Variants in ATRX observed in about 807,000 individuals in gnomAD.
The protein encoded by ATRX is chromatin remodeler ATRX.
Under a neutral mutation model 172.6 loss-of-function variants are expected in ATRX, and 12 were observed. That is an observed-to-expected ratio of 0.07 (90% CI 0.04 to 0.11). The LOEUF is 0.11. ATRX is among the 10% of genes least tolerant of loss of function. The pLI, the probability that ATRX is intolerant of heterozygous loss-of-function variation, is 1.00. For synonymous variants in ATRX, 674 were observed against 594.7 expected (o/e 1.13, Z -1.94); for missense variants, 1,368 against 1,767.4 (o/e 0.77, Z 4.05).
In ATRX at chrX:77,682,301, G is replaced by C. The variant is rs1557138497; in HGVS notation, c.2955C>G (p.Ser985Arg). ...DETSEDDKKQ[S>R]KKGTEEKKKP... ...TCTTTTTTTCTTCAGTTCCCTTTTT[G>C]CTCTGCTTTTTATCATCTTCAGAAG... is the stretch of plus-strand genomic sequence containing the variant. The change falls in exon 9 of 35, where the codon AGC (serine) becomes AGG (arginine). Residue 985 changes from serine to arginine, a missense_variant. By Grantham distance (110) the Ser-to-Arg change is moderately radical (BLOSUM62 -1). Transcript: ENST00000373344. The C allele has an allele frequency of 8.3e-7, 1 of 1,197,923 alleles. No homozygotes were observed. The highest frequency in any genetic ancestry group is 1.1e-6 in the Non-Finnish European group (1 of 891,444).
intron 22 of ATRX, among the ~76,000 whole-genome samples, chrX:77,611,895 T>C (rs1018856004): frequency 4.5e-5 from 5 of 111,655 alleles, no homozygotes; most frequent in Non-Finnish European, 9.4e-5. Context: ...TATGTACAAT[T>C]ACCATGTGTC....
intron 1 of ATRX, among the ~76,000 whole-genome samples, chrX:77,764,990 A>C (rs2075855982): frequency 9.0e-6 from 1 of 111,283 alleles, no homozygotes; most frequent in Non-Finnish European, 1.9e-5. Flanking sequence ...AGCCTCGCCG[A>C]CATGGTGAAA....
At chrX:77,734,199 T>G (rs965406213) in intron 1 of ATRX, among the ~76,000 whole-genome samples, 6 of 97,908 alleles carry the variant, frequency 6.1e-5, no homozygotes, top group Admixed American at 3.6e-4. Flanking sequence ...AGAGCAAGAT[T>G]CTGTCTCAAA....
intron 10 of ATRX, among the ~76,000 whole-genome samples, chrX:77,665,700 G>A (rs1250150623): frequency 3.6e-5 from 4 of 112,062 alleles, no homozygotes; most frequent in Non-Finnish European, 5.6e-5. Context: ...TGCAAGACAA[G>A]ATGTTTTGAT....
intron 1 of ATRX, among the ~76,000 whole-genome samples, chrX:77,782,001 C>T (rs1300508416): frequency 8.9e-6 from 1 of 112,069 alleles, no homozygotes; most frequent in South Asian, 3.6e-4. Context: ...TCTAGAAATA[C>T]AATACATAAC....
intron 15 of ATRX, among the ~76,000 whole-genome samples, chrX:77,640,601 T>C (rs965873890): frequency 9.1e-6 from 1 of 110,368 alleles, no homozygotes. Flanking sequence ...ATGAAAAAAA[T>C]TTTTTTCAGT....
intron 30 of ATRX, among the ~76,000 whole-genome samples, chrX:77,532,937 A>C (rs1318416900): frequency 8.9e-6 from 1 of 112,264 alleles, no homozygotes; most frequent in Non-Finnish European, 1.9e-5. Flanking sequence ...ACATTTAAAC[A>C]AATCTATGAG....
intron 22 of ATRX, among the ~76,000 whole-genome samples, chrX:77,615,059 C>T (rs1395867373): frequency 1.8e-5 from 2 of 111,391 alleles, no homozygotes; most frequent in African/African-American, 6.5e-5. Context: ...AATCCAGTGG[C>T]ACAATCATGT....
intron 30 of ATRX, among the ~76,000 whole-genome samples, chrX:77,539,996 T>G (rs555361385): frequency 5.4e-4 from 60 of 111,066 alleles, no homozygotes; most frequent in South Asian, 3.0e-3. Flanking sequence ...TGGGCTAAAT[T>G]CCCCCACTTA....
At chrX:77,609,017 A>T (rs1557092489) in intron 22 of ATRX, among the ~76,000 whole-genome samples, 1 of 112,229 alleles carries the variant, frequency 8.9e-6, no homozygotes, top group African/African-American at 3.2e-5. Context: ...TCATCTGAGA[A>T]ATGCTAATCA....
rs782593742 is a variant in ATRX, at chrX:77,518,749, A to G, written c.7200+2039T>C. The stretch of plus-strand genomic sequence containing the variant: ...GGAGGAATCACATTACCTGACTTCA[A>G]ATGATACTACAGAGCTACAGTAACC... On this transcript the variant is annotated intron_variant, in intron 34 of 34. Coordinates refer to ENST00000373344, the MANE Select transcript of ATRX (RefSeq NM_000489.6). Among the ~76,000 whole-genome samples the G allele has an allele frequency of 7.2e-5, 8 of 111,798 alleles. No homozygotes were observed. The South Asian group carries it at 3.0e-3, about 42-fold the overall frequency.
chrX:77,650,329 C>T (rs782332930), intron 15 of ATRX, among the ~76,000 whole-genome samples: 1 of 111,739 alleles, frequency 8.9e-6, no homozygotes, highest in South Asian at 3.7e-4. Flanking sequence ...TAAATCTGAT[C>T]AGGACTCTAG....
At chrX:77,749,604 T>C (rs1331861487) in intron 1 of ATRX, among the ~76,000 whole-genome samples, 1 of 111,950 alleles carries the variant, frequency 8.9e-6, no homozygotes, top group African/African-American at 3.2e-5. Flanking sequence ...GACAGAGTTT[T>C]GAAAAATGCT....
In ATRX at chrX:77,682,952, C is replaced by G. The variant is rs1557139920; in HGVS notation, c.2304G>C (p.Lys768Asn). 1.7e-6 allele frequency: 2 copies of G among 1,210,303 alleles called. No individual in the cohort carries two copies. Among genetic ancestry groups the G allele is most frequent in the African/African-American group, 3.5e-5 (2 of 57,530 alleles). ...HTNHKTLYDL[K>N]TQAGKDDKGK... ...CTTTATCATCTTTCCCCGCCTGAGT[C>G]TTTAAATCATACAAAGTCTTATGGT... is the stretch of plus-strand genomic sequence containing the variant. Residue 768 changes from lysine (K) to asparagine (N), a missense_variant, in exon 9 of 35, where the codon AAG becomes AAC. Lys to Asn is a moderately conservative substitution (Grantham distance 94). Coordinates refer to ENST00000373344, the MANE Select transcript of ATRX (RefSeq NM_000489.6).
intron 27 of ATRX, among the ~76,000 whole-genome samples, chrX:77,588,832 A>C (rs529619435): frequency 8.9e-6 from 1 of 112,050 alleles, no homozygotes; most frequent in African/African-American, 3.2e-5. Flanking sequence ...CATTTTTTCC[A>C]AAGAAGATAA....
At chrX:77,607,014 C>T (rs1294990530) in intron 22 of ATRX, among the ~76,000 whole-genome samples, 1 of 110,955 alleles carries the variant, frequency 9.0e-6, no homozygotes, top group African/African-American at 3.3e-5. Flanking sequence ...TACGACATAC[C>T]GACAGCTAGT....
Position 77,620,385 on chromosome X carries a change from A to G in ATRX, c.5272+10T>C. On this transcript the variant is annotated intron_variant, in intron 20 of 34. Coordinates refer to ENST00000373344, the MANE Select transcript of ATRX (RefSeq NM_000489.6). The stretch of plus-strand genomic sequence containing the variant: ...AATATTCTACTGCATAATCAGAGAT[A>G]TTAACTCACACTCAATTAGGTTATT... The G allele has an allele frequency of 8.3e-7, 1 of 1,205,862 alleles. No individual in the cohort carries two copies. The highest frequency in any genetic ancestry group is 1.1e-6 in the Non-Finnish European group (1 of 890,530).
intron 1 of ATRX, among the ~76,000 whole-genome samples, chrX:77,765,740 G>A (rs1201474927): frequency 9.4e-6 from 1 of 106,808 alleles, no homozygotes; most frequent in African/African-American, 3.4e-5. Flanking sequence ...TTCTCGCAGA[G>A]GGGGATTTGG....
intron 10 of ATRX, among the ~76,000 whole-genome samples, chrX:77,668,806 C>T (rs2070392527): frequency 9.3e-6 from 1 of 107,014 alleles, no homozygotes; most frequent in Non-Finnish European, 1.9e-5. Context: ...AGAAGTGAGC[C>T]CAACAACACA....
Sources: gnomAD v4.1 joint callset for allele counts (sites outside exome capture counted in the v4.1 genomes callset) on GRCh38, gnomAD v4.1.1 for gene constraint, MANE v1.5 for transcripts, NCBI Gene and HGNC (gene_info 2026-07-23, HGNC 2026-07-21) for gene names.